The following NF1 variants were observed in gnomAD, a reference collection of about 807,000 sequenced individuals.
The protein encoded by NF1 is neurofibromin 1.
A neutral mutation model predicts 325.7 loss-of-function variants in NF1; 122 were observed. That is an observed-to-expected ratio of 0.37 (90% CI 0.32 to 0.44). NF1 has a LOEUF of 0.44. Ranked by LOEUF, NF1 falls within the 20% of genes least tolerant of loss-of-function variation. The pLI is 1.00. For synonymous variants in NF1, 1,091 were observed against 1,186.0 expected (o/e 0.92, Z 1.65); for missense variants, 2,140 against 3,415.4 (o/e 0.63, Z 9.31).
rs786203616 is a variant in NF1 at position 31,235,635 on chromosome 17, A to C, written c.3733A>C (p.Thr1245Pro). ...GGATGAACTAGCTCGAGTTCTGGTT[A>C]CTCTGTTTGATTCTCGGCATTTACT... is the stretch of plus-strand genomic sequence containing the variant. ...QWDELARVLV[T>P]LFDSRHLLYQ... Residue 1245 changes from threonine to proline, a missense_variant, in exon 28 of 58, where the codon ACT becomes CCT. By Grantham distance (38) the Thr-to-Pro change is conservative. Around this residue, in one of 10 missense-constraint regions of NF1, gnomAD observed 336 missense variants for 399.0 expected, o/e 0.84. Coordinates refer to ENST00000358273, the MANE Select transcript of NF1 (RefSeq NM_001042492.3). The C allele has an allele frequency of 6.2e-7, 1 of 1,613,906 alleles. No homozygotes were observed. The highest frequency in any genetic ancestry group is 8.5e-7 in the Non-Finnish European group (1 of 1,179,992).
At chr17:31,216,535 G>C (rs937885208) in intron 13 of NF1, among the ~76,000 whole-genome samples, 2 of 151,984 alleles carry the variant, frequency 1.3e-5, no homozygotes, top group Admixed American at 6.6e-5. Flanking sequence ...TTCCATTTTA[G>C]TACTCTCAAT....
At chr17:31,225,615 A>G (rs1273102478) in intron 17 of NF1, among the ~76,000 whole-genome samples, 1 of 152,182 alleles carries the variant, frequency 6.6e-6, no homozygotes, top group African/African-American at 2.4e-5. Context: ...ACCGGCTAAC[A>G]AAGGTACAGA....
At chr17:31,249,358 A>G (rs1447621231) in intron 30 of NF1, among the ~76,000 whole-genome samples, 1 of 152,216 alleles carries the variant, frequency 6.6e-6, no homozygotes, top group Non-Finnish European at 1.5e-5. Flanking sequence ...CATTGGGAGC[A>G]AGTTTAAAAT....
intron 1 of NF1, among the ~76,000 whole-genome samples, chr17:31,120,785 T>TA (rs1269948173): frequency 1.4e-5 from 2 of 146,546 alleles, no homozygotes; most frequent in African/African-American, 5.4e-5. Flanking sequence ...CTTAAAGTAT[T>TA]TAAAAAAAAA....
chr17:31,263,120 T>TAGATAGATAGATAGATA (rs149743607), intron 35 of NF1, among the ~76,000 whole-genome samples: 5 of 95,632 alleles, frequency 5.2e-5, no homozygotes, highest in African/African-American at 1.1e-4. Flanking sequence ...GATAGATAGA[T>TAGATAGATAGATAGATA]AGATAAGATA....
intron 36 of NF1, chr17:31,296,435 G>C: frequency 1.8e-6 from 2 of 1,118,210 alleles, no homozygotes; most frequent in South Asian, 1.2e-5. Context: ...AATAAACCTC[G>C]TTGTTGTCGA....
chr17:31,231,277 A>C (rs1429133505), intron 24 of NF1, among the ~76,000 whole-genome samples: 1 of 152,196 alleles, frequency 6.6e-6, no homozygotes, highest in African/African-American at 2.4e-5. Flanking sequence ...GAATCTTTTT[A>C]AGAAATAATT....
chr17:31,184,510 G>A (rs1197613257), intron 8 of NF1, among the ~76,000 whole-genome samples: 1 of 151,064 alleles, frequency 6.6e-6, no homozygotes. Flanking sequence ...TTAGCCGGGC[G>A]AGGTGGCGGG....
rs17882413 is a variant in NF1, at chr17:31,374,315, A to T, written c.*160A>T. ...TGTTGCCAGATGATCAACTCTTCGA[A>T]GCCTTGCCTAAATTTAATGCTGCCT... is the stretch of plus-strand genomic sequence containing the variant. On this transcript the variant is annotated 3_prime_UTR_variant, in exon 58 of 58. Transcript: ENST00000358273. 183 of 904,794 alleles carry T rather than the reference A, an allele frequency of 2.0e-4. 1 individual carries two copies. Among genetic ancestry groups the T allele is most frequent in the Non-Finnish European group, 2.9e-4 (164 of 572,198 alleles). 56.0% of individuals were successfully genotyped at this position (904,794 alleles called of 1,614,324 possible).
Position 31,336,597 on chromosome 17 carries a change from T to G in NF1, c.6148-38T>G. ...TTGTGCTAAAACTTTGAGTCCCATG[T>G]TTTTTTTTTTAAAAAAAAAAATCCT... On this transcript the variant is annotated intron_variant, in intron 41 of 57. Transcript: ENST00000358273. This position sits in a 1 kb window ranked among gnomAD's most constrained non-coding sequence, Gnocchi z 5.5. The G allele has an allele frequency of 6.9e-6, 5 of 724,036 alleles. No individual in the cohort carries two copies. The East Asian group carries it at 1.5e-4, about 22-fold the overall frequency. The allele number at this position is 724,036 out of a possible 1,614,324, so 44.9% of individuals were successfully genotyped here.
At chr17:31,295,612 C>T (rs768530968) in intron 36 of NF1, 7 of 1,613,994 alleles carry the variant, frequency 4.3e-6, no homozygotes, top group Admixed American at 3.3e-5. Flanking sequence ...CCATCATCCA[C>T]TTCAGTAAGT....
At chr17:31,119,270 C>T (rs534130174) in intron 1 of NF1, among the ~76,000 whole-genome samples, 1 of 151,930 alleles carries the variant, frequency 6.6e-6, no homozygotes, top group Admixed American at 6.6e-5. Context: ...CACCTCCTCT[C>T]CAGCATCTGT....
intron 11 of NF1, among the ~76,000 whole-genome samples, chr17:31,201,979 T>C (rs560800606): frequency 3.3e-5 from 5 of 152,200 alleles, no homozygotes; most frequent in Non-Finnish European, 7.4e-5. Flanking sequence ...ATTCATAGTG[T>C]AAAATTTCAT....
intron 36 of NF1, chr17:31,297,649 T>G (rs2068494828): frequency 6.6e-6 from 1 of 152,230 alleles, no homozygotes; most frequent in African/African-American, 2.4e-5. Flanking sequence ...CACTATTTTT[T>G]AACTCCTGCC....
chr17:31,279,288 G>C (rs1342781049), intron 36 of NF1, among the ~76,000 whole-genome samples: 1 of 152,096 alleles, frequency 6.6e-6, no homozygotes, highest in Admixed American at 6.5e-5. Flanking sequence ...ATGTATGTTT[G>C]GTTATTTCTG....
rs548117626 is a variant in NF1 at position 31,377,421 on chromosome 17, G to A, written c.*3266G>A. The A allele has an allele frequency of 2.0e-4, 46 of 233,152 alleles. No individual in the cohort carries two copies. Among genetic ancestry groups the A allele is most frequent in the Non-Finnish European group, 3.4e-4 (40 of 117,848 alleles). The allele number at this position is 233,152 out of a possible 1,614,324, so 14.4% of individuals were successfully genotyped here. On this transcript the variant is annotated 3_prime_UTR_variant, in exon 58 of 58. Transcript: ENST00000358273. ...ATGCTGTGTATTGTAAACTTAAATTGTATATGATAACTTACTGTCCTTTCC... is the reference window on the plus strand; with the variant it reads ...ATGCTGTGTATTGTAAACTTAAATTATATATGATAACTTACTGTCCTTTCC...
chr17:31,252,869 G>A, intron 30 of NF1, 69 bp from the exon 31 acceptor site: 5 of 1,254,266 alleles, frequency 4.0e-6, no homozygotes, highest in Middle Eastern at 1.9e-4. Flanking sequence ...TTATGTACAA[G>A]CCAACATTGT....
intron 36 of NF1, among the ~76,000 whole-genome samples, chr17:31,306,396 A>C (rs907236051): frequency 6.6e-6 from 1 of 152,124 alleles, no homozygotes; most frequent in African/African-American, 2.4e-5. Context: ...TATTTTATAT[A>C]TATAGATAGA....
chr17:31,109,649 GC>G (rs912091812), intron 1 of NF1, among the ~76,000 whole-genome samples: 4 of 152,082 alleles, frequency 2.6e-5, no homozygotes, highest in African/African-American at 9.7e-5. Flanking sequence ...CTCCCAAAGT[GC>G]TAGGATTACA....
Sources: gnomAD v4.1 joint callset for allele counts (sites outside exome capture counted in the v4.1 genomes callset) on GRCh38, gnomAD v4.1.1 for gene constraint, gnomAD v4.1.1 regional missense constraint, Gnocchi (gnomAD v3.1) non-coding constraint, MANE v1.5 for transcripts, NCBI Gene and HGNC (gene_info 2026-07-23, HGNC 2026-07-21) for gene names.